Variants in RIMS2 observed in about 807,000 individuals in gnomAD.
RIMS2 encodes the protein regulating synaptic membrane exocytosis 2.
Under a neutral mutation model 174.4 loss-of-function variants are expected in RIMS2, and 59 were observed. The observed-to-expected ratio is 0.34, with a 90% CI of 0.27 to 0.42. The LOEUF (loss-of-function observed/expected upper bound fraction) is 0.42, where lower values mean the gene tolerates loss of function less well. Among genes scored for constraint, RIMS2 ranks in the 10% least tolerant of loss-of-function variants. RIMS2 has a pLI of 1.00. For missense variants in RIMS2, 1,620 were observed against 1,666.3 expected (o/e 0.97, Z 0.48); for synonymous variants, 606 against 572.5 (o/e 1.06, Z -0.84).
intron 19 of RIMS2, among the ~76,000 whole-genome samples, chr8:104,117,781 A>G (rs1053650258): frequency 6.6e-6 from 1 of 152,192 alleles, no homozygotes; most frequent in Non-Finnish European, 1.5e-5. Flanking sequence ...TATATTTGGG[A>G]AATGTTGTCT....
chr8:104,008,836 TAG>T (rs1385936607), intron 17 of RIMS2, among the ~76,000 whole-genome samples: 1 of 152,064 alleles, frequency 6.6e-6, no homozygotes, highest in Non-Finnish European at 1.5e-5. Context: ...TTAACTAACA[TAG>T]AGTCTTTACA....
chr8:104,132,574 C>T (rs999403300), intron 19 of RIMS2, among the ~76,000 whole-genome samples: 11 of 152,096 alleles, frequency 7.2e-5, no homozygotes, highest in South Asian at 2.1e-4. Flanking sequence ...AAATGTTGAC[C>T]GGGTATACAG....
intron 3 of RIMS2, among the ~76,000 whole-genome samples, chr8:103,852,311 T>G (rs902548932): frequency 5.3e-5 from 8 of 151,936 alleles, no homozygotes; most frequent in Non-Finnish European, 7.4e-5. Flanking sequence ...TAATCATGAA[T>G]TAATTAAATA....
intron 21 of RIMS2, among the ~76,000 whole-genome samples, chr8:104,249,068 A>C (rs1037975210): frequency 1.9e-4 from 29 of 151,226 alleles, no homozygotes; most frequent in Non-Finnish European, 3.8e-4. Flanking sequence ...AGCTGGGACT[A>C]CAGGCACACG....
chr8:103,774,338 A>C (rs915058005), intron 3 of RIMS2, among the ~76,000 whole-genome samples: 3 of 152,198 alleles, frequency 2.0e-5, no homozygotes, highest in Non-Finnish European at 4.4e-5. Context: ...TTTACTTAAG[A>C]GAGATGAAAT....
At chr8:104,188,699 G>A (rs2098982340) in intron 19 of RIMS2, among the ~76,000 whole-genome samples, 1 of 151,788 alleles carries the variant, frequency 6.6e-6, no homozygotes, top group Admixed American at 6.6e-5. Flanking sequence ...TATAGAGTAT[G>A]ATTCATTTTT....
intron 14 of RIMS2, among the ~76,000 whole-genome samples, chr8:103,950,597 A>G (rs552128062): frequency 4.6e-5 from 7 of 152,278 alleles, no homozygotes; most frequent in African/African-American, 1.2e-4. Flanking sequence ...TCATCCCTGT[A>G]AAAGACCCTA....
chr8:103,570,345 A>C (rs2092715483), intron 1 of RIMS2, among the ~76,000 whole-genome samples: 1 of 152,212 alleles, frequency 6.6e-6, no homozygotes, highest in Non-Finnish European at 1.5e-5. Flanking sequence ...AAAAATTATG[A>C]GTTATCACAT....
At position 103,747,393 on chromosome 8, in the gene RIMS2, T is replaced by C. The variant is rs79840034; in HGVS notation, c.388-18834T>C. ...GGGTCATTTTAAGGAGTTTGGCATT[T>C]ATTTGGAGCAAAACAGGAAGTATTA... is the stretch of plus-strand genomic sequence containing the variant. On this transcript the variant is annotated intron_variant, in intron 2 of 23. Transcript: ENST00000504942. Among the ~76,000 whole-genome samples the C allele has an allele frequency of 4.4e-4, 66 of 151,718 alleles. 1 individual carries two copies. The East Asian group carries it at 0.012, about 28-fold the overall frequency.
intron 1 of RIMS2, among the ~76,000 whole-genome samples, chr8:103,682,163 A>G (rs1267981265): frequency 6.6e-6 from 1 of 152,084 alleles, no homozygotes; most frequent in Non-Finnish European, 1.5e-5. Context: ...AGAAATGTTA[A>G]GTAGGCGATT....
chr8:103,851,200 G>T (rs1016864960), intron 3 of RIMS2, among the ~76,000 whole-genome samples: 4 of 151,846 alleles, frequency 2.6e-5, no homozygotes, highest in African/African-American at 7.2e-5. Context: ...TAATCAAACA[G>T]TTATATATCT....
chr8:103,906,276 C>G (rs12156016), intron 4 of RIMS2, among the ~76,000 whole-genome samples: 24,955 of 151,992 alleles, frequency 0.16, 2,170 homozygotes, highest in Middle Eastern at 0.26. Context: ...AAGTCTCGTT[C>G]TGTTGTTGCC....
At chr8:104,059,728 T>C (rs1481053472) in intron 19 of RIMS2, among the ~76,000 whole-genome samples, 1 of 151,528 alleles carries the variant, frequency 6.6e-6, no homozygotes. Flanking sequence ...GCTCTTCTTA[T>C]TTTGAGATAC....
chr8:103,954,273 C>G (rs548609943), intron 14 of RIMS2, among the ~76,000 whole-genome samples: 49 of 152,300 alleles, frequency 3.2e-4, no homozygotes, highest in African/African-American at 1.2e-3. Flanking sequence ...CTACAGAACT[C>G]TCCACCCCAC....
At chr8:104,249,016 C>A (rs1434719415) in intron 21 of RIMS2, among the ~76,000 whole-genome samples, 2 of 150,274 alleles carry the variant, frequency 1.3e-5, no homozygotes, top group Non-Finnish European at 3.0e-5. Context: ...GCAGCCTTGA[C>A]CACCTTGGCT....
intron 1 of RIMS2, among the ~76,000 whole-genome samples, chr8:103,618,056 G>T (rs566136881): frequency 1.3e-5 from 2 of 152,044 alleles, no homozygotes; most frequent in Admixed American, 6.6e-5. Context: ...TTGTAGCATT[G>T]TTCTCAATGG....
Position 103,549,302 on chromosome 8 carries a change from TG to T in RIMS2, c.176+48245del, listed in dbSNP as rs1188476487. On this transcript the variant is annotated intron_variant, in intron 1 of 23. Coordinates refer to ENST00000504942, the Ensembl canonical transcript of RIMS2. ...AGAAATTCTACAAGCCAGAAGAGAG[TG>T]GGGGCCAATATTCAACAATCTTAAA... Among the ~76,000 whole-genome samples the T allele has an allele frequency of 2.6e-5, 4 of 152,102 alleles. 1 individual carries two copies. The highest frequency in any genetic ancestry group is 9.6e-5 in the African/African-American group (4 of 41,496).
At chr8:103,699,007 A>G (rs1002472961) in intron 2 of RIMS2, among the ~76,000 whole-genome samples, 4 of 152,156 alleles carry the variant, frequency 2.6e-5, no homozygotes, top group African/African-American at 7.2e-5. Context: ...AAGGTTTTTA[A>G]GTAAGGTTTG....
At chr8:103,765,398 T>C (rs2098159302) in intron 2 of RIMS2, among the ~76,000 whole-genome samples, 1 of 152,112 alleles carries the variant, frequency 6.6e-6, no homozygotes, top group African/African-American at 2.4e-5. Flanking sequence ...TGTTGCTGTT[T>C]AGTGGGTGTA....
Sources: gnomAD v4.1 joint callset for allele counts (sites outside exome capture counted in the v4.1 genomes callset) on GRCh38, gnomAD v4.1.1 for gene constraint, MANE v1.5 for transcripts, NCBI Gene and HGNC (gene_info 2026-07-23, HGNC 2026-07-21) for gene names.